The following SLC24A2 variants were observed in gnomAD, a reference collection of about 807,000 sequenced individuals.
The protein encoded by SLC24A2 is sodium/potassium/calcium exchanger 2.
In SLC24A2, 36 loss-of-function variants were observed where a neutral mutation model predicts 62.0. The ratio of observed to expected loss-of-function variants is 0.58; its 90% confidence interval spans 0.44 to 0.77. SLC24A2 has a LOEUF of 0.77. Among genes scored for constraint, SLC24A2 ranks in the 30% least tolerant of loss-of-function variants. The pLI, the probability that SLC24A2 is intolerant of heterozygous loss-of-function variation, is 0.00. For synonymous variants in SLC24A2, 358 were observed against 294.0 expected (o/e 1.22, Z -2.23); for missense variants, 846 against 817.9 (o/e 1.03, Z -0.42).
chr9:19,705,481 C>T (rs1820485817), intron 2 of SLC24A2: 1 of 210,790 alleles, frequency 4.7e-6, no homozygotes, highest in African/African-American at 2.3e-5. Context: ...CATGTACCAA[C>T]ATTACTCTGT....
At chr9:19,886,448 T>C in the SLC24A2 span, among the ~76,000 whole-genome samples, 62,092 of 151,812 alleles carry the variant, frequency 0.41, 13,286 homozygotes, top group East Asian at 0.84. Context: ...AACAAACATA[T>C]GAAAAAAAGC....
At chr9:19,641,918 C>A (rs1230828225) in intron 2 of SLC24A2, among the ~76,000 whole-genome samples, 1 of 152,132 alleles carries the variant, frequency 6.6e-6, no homozygotes, top group Non-Finnish European at 1.5e-5. Flanking sequence ...CCAGCAAATC[C>A]TGTCAATTTT....
At chr9:19,942,826 C>T in the SLC24A2 span, among the ~76,000 whole-genome samples, 70,846 of 151,892 alleles carry the variant, frequency 0.47, 17,026 homozygotes, top group Non-Finnish European at 0.52. Flanking sequence ...GCAGGGAAGT[C>T]GTGGATGTTT....
the SLC24A2 span, among the ~76,000 whole-genome samples, chr9:19,864,581 G>A: frequency 1.4e-4 from 21 of 151,780 alleles, no homozygotes; most frequent in East Asian, 3.9e-3. Flanking sequence ...CAGAATGAAG[G>A]ACAAAAACCA....
intron 5 of SLC24A2, among the ~76,000 whole-genome samples, chr9:19,597,007 T>C (rs1836721353): frequency 6.6e-6 from 1 of 152,236 alleles, no homozygotes; most frequent in Non-Finnish European, 1.5e-5. Flanking sequence ...TTATGATGGT[T>C]TGAATTGTCT....
the SLC24A2 span, among the ~76,000 whole-genome samples, chr9:20,107,270 C>A: frequency 2.6e-5 from 4 of 151,978 alleles, no homozygotes; most frequent in South Asian, 6.3e-4. Flanking sequence ...CCATACTGTC[C>A]AAGGTAATTT....
At chr9:19,642,063 G>C (rs577263682) in intron 2 of SLC24A2, among the ~76,000 whole-genome samples, 15 of 152,238 alleles carry the variant, frequency 9.9e-5, no homozygotes, top group African/African-American at 2.9e-4. Flanking sequence ...GGGGAAGTGT[G>C]TGTGAGTAGG....
chr9:20,087,205 C>A, the SLC24A2 span, among the ~76,000 whole-genome samples: 3 of 152,116 alleles, frequency 2.0e-5, no homozygotes, highest in Non-Finnish European at 2.9e-5. Flanking sequence ...TTAATTAATT[C>A]ATTAATAAAT....
chr9:20,121,727 C>T, the SLC24A2 span, among the ~76,000 whole-genome samples: 1 of 152,242 alleles, frequency 6.6e-6, no homozygotes, highest in South Asian at 2.1e-4. Flanking sequence ...CACCGATATC[C>T]AGACCCTACT....
the SLC24A2 span, among the ~76,000 whole-genome samples, chr9:20,222,247 C>G: frequency 6.6e-6 from 1 of 151,326 alleles, no homozygotes; most frequent in Non-Finnish European, 1.5e-5. Context: ...AATGTAGAAA[C>G]TGTATTGGTG....
At chr9:20,165,041 G>A in the SLC24A2 span, among the ~76,000 whole-genome samples, 1 of 149,348 alleles carries the variant, frequency 6.7e-6, no homozygotes, top group African/African-American at 2.5e-5. Context: ...GCTAAATGAC[G>A]AGTTAATGGG....
chr9:19,831,824 A>G, the SLC24A2 span, among the ~76,000 whole-genome samples: 1 of 152,230 alleles, frequency 6.6e-6, no homozygotes, highest in African/African-American at 2.4e-5. Flanking sequence ...AAGATATGCC[A>G]TTCAAATCAT....
chr9:20,277,263 C>T, the SLC24A2 span, among the ~76,000 whole-genome samples: 2 of 152,102 alleles, frequency 1.3e-5, no homozygotes, highest in Non-Finnish European at 2.9e-5. Context: ...AGAGCTTCTG[C>T]ACAGCAAAAG....
chr9:19,711,199 T>C (rs1356362922), intron 2 of SLC24A2, among the ~76,000 whole-genome samples: 1 of 152,220 alleles, frequency 6.6e-6, no homozygotes, highest in Non-Finnish European at 1.5e-5. Flanking sequence ...CTTTTTTGCT[T>C]TTATTCTTTC....
chr9:19,852,313 CTTTAG>C, the SLC24A2 span, among the ~76,000 whole-genome samples: 1 of 152,100 alleles, frequency 6.6e-6, no homozygotes, highest in African/African-American at 2.4e-5. Context: ...CGTAGAAGCT[CTTTAG>C]TTTAATTAGA....
the SLC24A2 span, among the ~76,000 whole-genome samples, chr9:20,229,329 G>A: frequency 2.0e-4 from 30 of 152,176 alleles, no homozygotes; most frequent in Admixed American, 1.2e-3. Context: ...CTCTATATAA[G>A]GAAAGTATGG....
chr9:19,921,257 C>T, the SLC24A2 span, among the ~76,000 whole-genome samples: 1 of 152,064 alleles, frequency 6.6e-6, no homozygotes, highest in Admixed American at 6.5e-5. Flanking sequence ...GGCATGGTGG[C>T]TCACACCTGA....
At chr9:19,874,076 T>TC in the SLC24A2 span, among the ~76,000 whole-genome samples, 4 of 33,388 alleles carry the variant, frequency 1.2e-4, no homozygotes, top group South Asian at 1.3e-3. Flanking sequence ...TTTTCTTTTC[T>TC]TTTTTTTTTT....
the SLC24A2 span, among the ~76,000 whole-genome samples, chr9:20,116,826 A>G: frequency 2.0e-4 from 31 of 152,290 alleles, no homozygotes; most frequent in African/African-American, 7.2e-4. Flanking sequence ...GCGCTTAATG[A>G]AAGTTGAAGA....
Sources: allele counts gnomAD v4.1 joint callset (sites outside exome capture counted in the v4.1 genomes callset), GRCh38; gene constraint gnomAD v4.1.1; transcripts MANE v1.5; gene names NCBI Gene and HGNC (gene_info 2026-07-23, HGNC 2026-07-21).